Variants in CORO7 observed in about 807,000 individuals in gnomAD.
CORO7 encodes coronin-7.
A neutral mutation model predicts 126.6 loss-of-function variants in CORO7; 107 were observed. The ratio of observed to expected loss-of-function variants is 0.85; its 90% CI spans 0.72 to 0.99. The LOEUF is 0.99. Ranked by LOEUF, CORO7 falls within the 50% of genes least tolerant of loss-of-function variation. The pLI, the probability that CORO7 is intolerant of heterozygous loss-of-function variation, is 0.00. For missense variants in CORO7, 1,314 were observed against 1,255.8 expected, an observed-to-expected ratio of 1.05 and a Z score of -0.70; for synonymous variants, 603 against 536.8, an observed-to-expected ratio of 1.12 and a Z score of -1.70.
chr16:4,377,142 C>G (rs113238055), intron 9 of CORO7, among the ~76,000 whole-genome samples: 1 of 152,076 alleles, frequency 6.6e-6, no homozygotes, highest in Non-Finnish European at 1.5e-5. Context: ...GGAGCAAGGC[C>G]GGCAGCAGCA....
At chr16:4,399,159 GCA>G (rs2055710190) in intron 6 of CORO7, among the ~76,000 whole-genome samples, 2 of 152,134 alleles carry the variant, frequency 1.3e-5, no homozygotes, top group Non-Finnish European at 2.9e-5. Context: ...AGAACTGAAA[GCA>G]GGCCATGAAG....
intron 23 of CORO7, chr16:4,358,952 T>C (rs903630175): frequency 2.9e-6 from 1 of 339,966 alleles, no homozygotes; most frequent in Non-Finnish European, 5.4e-6. Context: ...ATTTTTTGTT[T>C]GTTTTGTAGA....
At chr16:4,415,463 A>G (rs550216079) in intron 1 of CORO7, among the ~76,000 whole-genome samples, 16 of 152,024 alleles carry the variant, frequency 1.1e-4, no homozygotes, top group Non-Finnish European at 2.2e-4. Context: ...GAAAACCTCC[A>G]ATGCTCTTGT....
At chr16:4,390,470 G>A (rs567921136) in intron 7 of CORO7, among the ~76,000 whole-genome samples, 14 of 152,316 alleles carry the variant, frequency 9.2e-5, no homozygotes, top group South Asian at 6.2e-4. Flanking sequence ...AAGACCTAGC[G>A]TCATTCCTGC....
chr16:4,364,681 C>A lies in CORO7; in HGVS notation c.1053G>T (p.Glu351Asp). The change falls in exon 13 of 28, where the codon GAG becomes GAT. Residue 351 changes from glutamate to aspartate, a missense_variant. Coordinates refer to ENST00000251166, the MANE Select transcript of CORO7 (RefSeq NM_024535.5). The stretch of plus-strand genomic sequence containing the variant: ...TGTCCGGGAACAGGTCCTCGTGGAA[C>A]TCCACAGCCTGGCCGCAGACAAGCA... ...IGYHVPRKAV[E>D]FHEDLFPDTA... 6.3e-7 allele frequency: 1 copy of A among 1,583,642 alleles called. No homozygotes were observed. The highest frequency in any genetic ancestry group is 1.3e-5 in the African/African-American group (1 of 74,650).
At chr16:4,381,452 C>T (rs1254997355) in intron 9 of CORO7, 1 of 1,580,360 alleles carries the variant, frequency 6.3e-7, no homozygotes, top group Non-Finnish European at 8.6e-7. Flanking sequence ...CTGGACACTG[C>T]CAACGTGGAG....
At chr16:4,379,135 C>T (rs1305220935) in intron 9 of CORO7, among the ~76,000 whole-genome samples, 5 of 151,824 alleles carry the variant, frequency 3.3e-5, no homozygotes, top group Admixed American at 6.5e-5. Flanking sequence ...CAGCCTGGGG[C>T]GGAGTGCAGG....
chr16:4,373,000 A>T (rs997716667), intron 9 of CORO7, among the ~76,000 whole-genome samples: 3 of 151,970 alleles, frequency 2.0e-5, no homozygotes, highest in African/African-American at 7.3e-5. Flanking sequence ...TTCACACTAG[A>T]CTGTACTTTG....
intron 5 of CORO7, among the ~76,000 whole-genome samples, chr16:4,407,282 A>G (rs536255629): frequency 2.1e-4 from 32 of 152,252 alleles, no homozygotes; most frequent in Admixed American, 1.8e-3. Flanking sequence ...CAACAGAAAA[A>G]AAAAAAAACA....
rs770938661 is a variant in CORO7 at position 4,359,302 on chromosome 16, G to A, written c.2334C>T (p.Pro778=). Residue 778 remains proline, a synonymous_variant, in exon 23 of 28, where the codon CCC becomes CCT. Transcript: ENST00000251166. Reference sequence around the variant, plus strand: ...GGCGCCAGGGTGGCCTCACCTTGTGGGGGTCAGGCGACGTGAAGCTGTTGC... The same window carrying A: ...GGCGCCAGGGTGGCCTCACCTTGTGAGGGTCAGGCGACGTGAAGCTGTTGC... The part of the protein sequence containing the change: ...LECNSFTSPD[P]HKGLVLLPKT... 2 of 1,605,550 alleles carry A rather than the reference G, an allele frequency of 1.2e-6. No individual in the cohort carries two copies. The highest frequency in any genetic ancestry group is 1.7e-6 in the Non-Finnish European group (2 of 1,176,894).
At chr16:4,360,810 C>T (rs2054148955) in intron 19 of CORO7, 133 bp downstream of exon 19, 2 of 1,485,352 alleles carry the variant, frequency 1.3e-6, no homozygotes, top group South Asian at 1.3e-5. Context: ...TCACTGCTGG[C>T]CCCACCCCTC....
At chr16:4,373,273 G>A (rs1232175973) in intron 9 of CORO7, among the ~76,000 whole-genome samples, 1 of 152,112 alleles carries the variant, frequency 6.6e-6, no homozygotes, top group African/African-American at 2.4e-5. Flanking sequence ...ATCCCCTCCA[G>A]ACCATTATCT....
At chr16:4,369,079 G>A (rs923514314) in intron 9 of CORO7, among the ~76,000 whole-genome samples, 90 of 152,340 alleles carry the variant, frequency 5.9e-4, no homozygotes, top group African/African-American at 2.1e-3. Flanking sequence ...CCGTTCCATC[G>A]TCCCAGCCAG....
At position 4,375,045 on chromosome 16, in the gene CORO7, G is replaced by A. The variant is rs564863680; in HGVS notation, c.786-9500C>T. Among the ~76,000 whole-genome samples, 5 of 152,222 alleles carry A rather than the reference G, an allele frequency of 3.3e-5. No individual in the cohort carries two copies. The East Asian group carries it at 9.7e-4, about 29-fold the overall frequency. ...TCTGGACTGGCCCATTTCTAGTTGG[G>A]CTGCAGCCACTGCACAGCTCCCAGG... is the stretch of plus-strand genomic sequence containing the variant. On this transcript the variant is annotated intron_variant, in intron 9 of 27. Transcript: ENST00000251166.
Position 4,361,035 on chromosome 16 carries a change from C to G in CORO7, c.1825G>C (p.Val609Leu). The change falls in exon 19 of 28, where the codon GTG (valine) becomes CTG (leucine). Residue 609 changes from valine (V) to leucine (L), a missense_variant. Physicochemically the swap from Val to Leu is conservative, Grantham distance 32 (BLOSUM62 1). Coordinates refer to ENST00000251166, the MANE Select transcript of CORO7 (RefSeq NM_024535.5). The part of the protein sequence containing the change: ...SLRFHPLAAN[V>L]LASSSYDLTV... ...AGGTCATAGGAGGACGAGGCCAGCACATTGGCTGCCAGTGGGTGGAAGCGC... is the reference window on the plus strand; with the variant it reads ...AGGTCATAGGAGGACGAGGCCAGCAGATTGGCTGCCAGTGGGTGGAAGCGC... The G allele has an allele frequency of 8.1e-6, 13 of 1,613,392 alleles. No individual in the cohort carries two copies. Among genetic ancestry groups the G allele is most frequent in the Non-Finnish European group, 1.1e-5 (13 of 1,180,014 alleles).
Position 4,364,641 on chromosome 16 carries a change from G to A in CORO7, c.1093C>T (p.Pro365Ser). Residue 365 changes from proline (P) to serine (S), a missense_variant, in exon 13 of 28, where the codon CCT becomes TCT. Physicochemically the swap from Pro to Ser is moderately conservative, Grantham distance 74 (BLOSUM62 -1). Transcript: ENST00000251166. ...CACCAGCTATGGGGGTCGGTGGCAG[G>A]CACACAGCCGGCAGTGTCCGGGAAC... ...DLFPDTAGCV[P>S]ATDPHSWWAG... is the part of the protein sequence containing the mutation. The A allele has an allele frequency of 1.9e-6, 3 of 1,577,102 alleles. No homozygotes were observed. The highest frequency in any genetic ancestry group is 2.6e-6 in the Non-Finnish European group (3 of 1,162,310).
intron 26 of CORO7, chr16:4,355,658 CGGG>C (rs1408430664): frequency 3.2e-5 from 12 of 371,754 alleles, no homozygotes; most frequent in Non-Finnish European, 5.5e-5. Flanking sequence ...TTAGTAGAGA[CGGG>C]GGTTTCACCG....
Position 4,364,634 on chromosome 16 carries a change from G to A in CORO7, c.1100C>T (p.Thr367Ile), listed in dbSNP as rs1302476333. The part of the protein sequence containing the change: ...FPDTAGCVPA[T>I]DPHSWWAGDN... ...CCCAGCCCACCAGCTATGGGGGTCG[G>A]TGGCAGGCACACAGCCGGCAGTGTC... Residue 367 changes from threonine (T) to isoleucine (I), a missense_variant, in exon 13 of 28, where the codon ACC becomes ATC. Transcript: ENST00000251166. 1.3e-6 allele frequency: 2 copies of A among 1,574,678 alleles called. No homozygotes were observed. The highest frequency in any genetic ancestry group is 4.6e-5 in the East Asian group (2 of 43,244).
rs1418689182 is a variant in CORO7 at position 4,383,119 on chromosome 16, T to C, written c.785+4867A>G. ...GAGCCCTAACGTCCCCAGAACCGAG[T>C]GCCTATGAGGACAGTGTCCGCCCTG... On this transcript the variant is annotated intron_variant, in intron 9 of 27. Transcript: ENST00000251166. The C allele has an allele frequency of 5.1e-4, 284 of 554,498 alleles. 3 individuals are homozygous for C. The highest frequency in any genetic ancestry group is 5.3e-5 in the Non-Finnish European group (17 of 318,090). 34.3% of individuals were successfully genotyped at this position (554,498 alleles called of 1,614,324 possible).
Sources: allele counts gnomAD v4.1 joint callset (sites outside exome capture counted in the v4.1 genomes callset), GRCh38; gene constraint gnomAD v4.1.1; transcripts MANE v1.5; gene names NCBI Gene and HGNC (gene_info 2026-07-23, HGNC 2026-07-21).